Variants in NEMP2 observed in about 807,000 individuals in gnomAD.
The protein encoded by NEMP2 is nuclear envelope integral membrane protein 2, also known as UPF0571 transmembrane protein.
NEMP2 carries 53 observed loss-of-function variants against 54.2 expected under a neutral mutation model. That is an observed-to-expected ratio of 0.98 (90% CI 0.78 to 1.23). The LOEUF (loss-of-function observed/expected upper bound fraction) is 1.23. Ranked by LOEUF, NEMP2 falls within the 50% of genes most tolerant of loss-of-function variation. The pLI is 0.00. For missense variants in NEMP2, 455 were observed against 511.3 expected, an observed-to-expected ratio of 0.89 and a Z score of 1.06; for synonymous variants, 197 against 190.3, an observed-to-expected ratio of 1.04 and a Z score of -0.29.
chr2:190,518,442 T>G (rs1286822204), intron 4 of NEMP2, among the ~76,000 whole-genome samples: 1 of 152,216 alleles, frequency 6.6e-6, no homozygotes, highest in African/African-American at 2.4e-5. Context: ...GATGTTGCTT[T>G]TCTCATCTAT....
chr2:190,562,752 A>T, the NEMP2 span, among the ~76,000 whole-genome samples: 1 of 152,194 alleles, frequency 6.6e-6, no homozygotes, highest in Non-Finnish European at 1.5e-5. This position sits in a 1 kb window ranked among gnomAD's most constrained non-coding sequence, Gnocchi z 5.0. Flanking sequence ...CTACAAAAGG[A>T]ACTATAAATG....
At chr2:190,468,558 T>C in the NEMP2 span, among the ~76,000 whole-genome samples, 1 of 151,424 alleles carries the variant, frequency 6.6e-6, no homozygotes, top group South Asian at 2.1e-4. Context: ...GCTCAAGCAG[T>C]CCTCCTACCT....
At chr2:190,490,688 A>G in the NEMP2 span, among the ~76,000 whole-genome samples, 2 of 152,242 alleles carry the variant, frequency 1.3e-5, no homozygotes, top group Non-Finnish European at 2.9e-5. This position sits in a 1 kb window ranked among gnomAD's most constrained non-coding sequence, Gnocchi z 4.5. Context: ...TAATATGTAG[A>G]TGAGAATGAG....
At position 190,519,189 on chromosome 2, in the gene NEMP2, A is replaced by T; in HGVS notation, c.214-6T>A. ...CCTGGACTGGTAATTTTCACCTGTA[A>T]AACAAGAACAAGCAAATCCATAAAC... is the stretch of plus-strand genomic sequence containing the variant. On this transcript the variant is annotated splice_polypyrimidine_tract_variant and splice_region_variant and intron_variant, in intron 2 of 8. Transcript: ENST00000409150. The surrounding 1 kb of genome is among the most constrained non-coding windows in gnomAD (Gnocchi z 5.4). The T allele has an allele frequency of 6.6e-7, 1 of 1,518,478 alleles. No homozygotes were observed. Among genetic ancestry groups the T allele is most frequent in the Non-Finnish European group, 8.9e-7 (1 of 1,122,044 alleles). The allele number at this position is 1,518,478 out of a possible 1,614,324, so 94.1% of individuals were successfully genotyped here.
Position 190,516,813 on chromosome 2 carries a change from G to A in NEMP2, c.613-429C>T, listed in dbSNP as rs1424632587. 7.2e-5 allele frequency among the ~76,000 whole-genome samples: 11 copies of A among 152,212 alleles called. No homozygotes were observed. In the South Asian group the frequency reaches 1.2e-3, roughly 17 times the overall value. The stretch of plus-strand genomic sequence containing the variant: ...GTGTTATTTTATTGAAGGTGTAGCC[G>A]GGCACGGTGGCTCACGCCTGTATTT... On this transcript the variant is annotated intron_variant, in intron 5 of 8. Transcript: ENST00000409150.
the NEMP2 span, among the ~76,000 whole-genome samples, chr2:190,621,892 C>T: frequency 5.3e-4 from 81 of 152,050 alleles, no homozygotes; most frequent in African/African-American, 1.9e-3. Context: ...GTGACTCACC[C>T]GAGGTCAGGG....
At chr2:190,497,279 T>TA in the NEMP2 span, among the ~76,000 whole-genome samples, 1 of 152,178 alleles carries the variant, frequency 6.6e-6, no homozygotes, top group Non-Finnish European at 1.5e-5. This position sits in a 1 kb window ranked among gnomAD's most constrained non-coding sequence, Gnocchi z 5.2. Context: ...ATTCAGTACT[T>TA]ACACCAAGTA....
In NEMP2 at chr2:190,527,926, T is replaced by A. The variant is rs562155444; in HGVS notation, c.98-2548A>T. Among the ~76,000 whole-genome samples the A allele has an allele frequency of 1.4e-4, 22 of 152,272 alleles. No individual in the cohort carries two copies. The highest frequency in any genetic ancestry group is 5.3e-4 in the African/African-American group (22 of 41,558). Reference sequence around the variant, plus strand: ...CCCAAAACCACCCCAACCCCACTCCTATCCTGTGGAAAAACTGTCTTCCAT... The same window carrying A: ...CCCAAAACCACCCCAACCCCACTCCAATCCTGTGGAAAAACTGTCTTCCAT... On this transcript the variant is annotated intron_variant, in intron 1 of 8. Transcript: ENST00000409150. This position sits in a 1 kb window ranked among gnomAD's most constrained non-coding sequence, Gnocchi z 4.0.
At chr2:190,445,119 G>C in the NEMP2 span, among the ~76,000 whole-genome samples, 1 of 152,058 alleles carries the variant, frequency 6.6e-6, no homozygotes, top group East Asian at 1.9e-4. Context: ...TATTTAACTG[G>C]ACAATCTTGG....
chr2:190,423,273 C>T, the NEMP2 span, among the ~76,000 whole-genome samples: 1 of 152,232 alleles, frequency 6.6e-6, no homozygotes, highest in Non-Finnish European at 1.5e-5. The surrounding 1 kb of genome is among the most constrained non-coding windows in gnomAD (Gnocchi z 4.3). Flanking sequence ...TGTATAGCCA[C>T]CTCTACTTCC....
At chr2:190,608,268 T>C in the NEMP2 span, 1 of 152,190 alleles carries the variant, frequency 6.6e-6, no homozygotes, top group African/African-American at 2.4e-5. The surrounding 1 kb of genome is among the most constrained non-coding windows in gnomAD (Gnocchi z 4.9). Context: ...GTAGTGATGC[T>C]GGCAATTCGT....
At chr2:190,644,429 G>A in the NEMP2 span, among the ~76,000 whole-genome samples, 12 of 152,266 alleles carry the variant, frequency 7.9e-5, no homozygotes, top group South Asian at 8.3e-4. This position sits in a 1 kb window ranked among gnomAD's most constrained non-coding sequence, Gnocchi z 4.4. Flanking sequence ...TGTGTTCAAA[G>A]GTGTGTCATA....
At chr2:190,479,287 C>G in the NEMP2 span, among the ~76,000 whole-genome samples, 1 of 152,176 alleles carries the variant, frequency 6.6e-6, no homozygotes, top group Non-Finnish European at 1.5e-5. Context: ...AATTCAGCTA[C>G]CATTTGCAGC....
chr2:190,562,674 C>G, the NEMP2 span, among the ~76,000 whole-genome samples: 1 of 152,056 alleles, frequency 6.6e-6, no homozygotes, highest in Non-Finnish European at 1.5e-5. The surrounding 1 kb of genome is among the most constrained non-coding windows in gnomAD (Gnocchi z 5.0). Flanking sequence ...CTTTTTTGCC[C>G]TAACTTTATA....
the NEMP2 span, among the ~76,000 whole-genome samples, chr2:190,432,078 C>T: frequency 1.3e-5 from 2 of 152,060 alleles, no homozygotes; most frequent in African/African-American, 4.8e-5. Context: ...TCTTATAATC[C>T]TTGGTAATTA....
the NEMP2 span, among the ~76,000 whole-genome samples, chr2:190,567,290 T>A: frequency 1.3e-5 from 2 of 151,614 alleles, no homozygotes; most frequent in Non-Finnish European, 2.9e-5. The surrounding 1 kb of genome is among the most constrained non-coding windows in gnomAD (Gnocchi z 4.0). Flanking sequence ...AGGAAAGGTA[T>A]GAGACTTAGA....
chr2:190,490,261 G>GT, the NEMP2 span, among the ~76,000 whole-genome samples: 177 of 136,030 alleles, frequency 1.3e-3, no homozygotes, highest in African/African-American at 3.9e-3. This position sits in a 1 kb window ranked among gnomAD's most constrained non-coding sequence, Gnocchi z 4.5. Context: ...ACCTTCATTT[G>GT]TTAAAAAAAA....
the NEMP2 span, among the ~76,000 whole-genome samples, chr2:190,423,488 T>C: frequency 1.7e-4 from 26 of 152,366 alleles, no homozygotes; most frequent in Non-Finnish European, 2.8e-4. The surrounding 1 kb of genome is among the most constrained non-coding windows in gnomAD (Gnocchi z 4.3). Flanking sequence ...TGCTGCATAA[T>C]ATCCCATAGT....
At chr2:190,441,009 G>A in the NEMP2 span, among the ~76,000 whole-genome samples, 1 of 152,294 alleles carries the variant, frequency 6.6e-6, no homozygotes, top group South Asian at 2.1e-4. Context: ...AGGAATAGCA[G>A]TAAGTATTAT....
Sources: gnomAD v4.1 joint callset for allele counts (sites outside exome capture counted in the v4.1 genomes callset) on GRCh38, gnomAD v4.1.1 for gene constraint, Gnocchi (gnomAD v3.1) non-coding constraint, MANE v1.5 for transcripts, NCBI Gene and HGNC (gene_info 2026-07-23, HGNC 2026-07-21) for gene names.